EYS: variants seen among roughly 807,000 people sequenced by gnomAD.
The protein encoded by EYS is EGF-like photoreceptor maintenance factor.
A neutral mutation model predicts 282.1 loss-of-function variants in EYS; 250 were observed. The ratio of observed to expected loss-of-function variants is 0.89; its 90% CI spans 0.80 to 0.98. The LOEUF is 0.98. Ranked by LOEUF, EYS falls within the 50% of genes least tolerant of loss-of-function variation. EYS has a pLI of 0.00. For missense variants in EYS, 4,016 were observed against 3,709.0 expected, an observed-to-expected ratio of 1.08 and a Z score of -2.15; for synonymous variants, 1,355 against 1,282.9, an observed-to-expected ratio of 1.06 and a Z score of -1.20.
At chr6:65,129,517 C>A (rs1386473107) in intron 12 of EYS, among the ~76,000 whole-genome samples, 1 of 151,970 alleles carries the variant, frequency 6.6e-6, no homozygotes, top group Non-Finnish European at 1.5e-5. Context: ...TGAACAGACA[C>A]TTCTCAAAAC....
At chr6:65,306,861 A>AAAAAAAAC (rs1769024993) in intron 11 of EYS, among the ~76,000 whole-genome samples, 1 of 139,492 alleles carries the variant, frequency 7.2e-6, no homozygotes, top group Non-Finnish European at 1.6e-5. Flanking sequence ...AAAAAAAAAA[A>AAAAAAAAC]AGAAAGTCTA....
intron 18 of EYS, among the ~76,000 whole-genome samples, chr6:64,887,079 T>TA (rs1268697317): frequency 6.6e-6 from 1 of 151,870 alleles, no homozygotes; most frequent in East Asian, 1.9e-4. Context: ...ATAATTACTG[T>TA]AACCTGATAA....
intron 12 of EYS, among the ~76,000 whole-genome samples, chr6:65,228,890 T>G (rs1477159711): frequency 2.6e-5 from 4 of 152,014 alleles, no homozygotes; most frequent in Admixed American, 2.6e-4. Flanking sequence ...GACAACAGTG[T>G]AAAGGCGATT....
intron 12 of EYS, among the ~76,000 whole-genome samples, chr6:65,254,639 A>G (rs550682817): frequency 6.6e-6 from 1 of 151,908 alleles, no homozygotes; most frequent in Non-Finnish European, 1.5e-5. Flanking sequence ...GGAATTCAGT[A>G]TAGATTTTCA....
chr6:65,606,091 T>C (rs1036178090), intron 2 of EYS, among the ~76,000 whole-genome samples: 8 of 151,718 alleles, frequency 5.3e-5, no homozygotes, highest in African/African-American at 1.7e-4. Context: ...AGTCGCAAAT[T>C]TTTAAAAACA....
At chr6:64,156,484 C>T (rs1263192165) in intron 31 of EYS, among the ~76,000 whole-genome samples, 4 of 152,080 alleles carry the variant, frequency 2.6e-5, no homozygotes, top group African/African-American at 7.2e-5. Context: ...GAAAAGATAC[C>T]TGAAAATGTG....
intron 22 of EYS, among the ~76,000 whole-genome samples, chr6:64,656,346 C>T (rs1399169098): frequency 6.6e-6 from 1 of 152,030 alleles, no homozygotes; most frequent in Non-Finnish European, 1.5e-5. Flanking sequence ...TCTTGAATAA[C>T]AGGCTTAACT....
Position 65,348,601 on chromosome 6 carries a change from CCTT to C in EYS, c.1460-4427_1460-4425del, listed in dbSNP as rs200371717. 9.0e-3 allele frequency among the ~76,000 whole-genome samples: 1,369 copies of C among 151,736 alleles called. 9 individuals are homozygous for C. The highest frequency in any genetic ancestry group is 0.014 in the Non-Finnish European group (917 of 67,748). ...TTATTCCTGTAGAGTTGTTTGAGCT[CCTT>C]CTGTATTCTGGTTATTAATCCCTTG... is the stretch of plus-strand genomic sequence containing the variant. On this transcript the variant is annotated intron_variant, in intron 9 of 42. Coordinates refer to ENST00000503581, the MANE Select transcript of EYS (RefSeq NM_001142800.2).
At chr6:65,034,377 T>G (rs962230877) in intron 13 of EYS, among the ~76,000 whole-genome samples, 1 of 152,160 alleles carries the variant, frequency 6.6e-6, no homozygotes, top group African/African-American at 2.4e-5. Flanking sequence ...AGTGGTAGAA[T>G]GATATAGCAT....
intron 29 of EYS, among the ~76,000 whole-genome samples, chr6:64,376,314 A>G (rs1222456004): frequency 6.6e-6 from 1 of 152,172 alleles, no homozygotes; most frequent in Non-Finnish European, 1.5e-5. Context: ...TCTTCTAGGT[A>G]GAGACAAGAA....
At chr6:65,057,765 A>G in intron 12 of EYS, 38 bp from the exon 13 acceptor site, 2 of 1,313,846 alleles carry the variant, frequency 1.5e-6, no homozygotes, top group Non-Finnish European at 2.1e-6. Context: ...AAGTGTTAAC[A>G]AGACAGGCAT....
At chr6:64,058,638 CAG>C (rs778924954) in intron 33 of EYS, among the ~76,000 whole-genome samples, 11 of 152,092 alleles carry the variant, frequency 7.2e-5, no homozygotes, top group Non-Finnish European at 1.3e-4. Flanking sequence ...TGCTATATGC[CAG>C]AGTGTTCTCT....
intron 24 of EYS, among the ~76,000 whole-genome samples, chr6:64,598,317 C>T (rs574221369): frequency 1.3e-5 from 2 of 152,082 alleles, no homozygotes; most frequent in African/African-American, 4.8e-5. Flanking sequence ...AAAAATTAGC[C>T]GGCCTTGGTG....
At chr6:64,422,996 A>G (rs1244303036) in intron 28 of EYS, among the ~76,000 whole-genome samples, 1 of 152,048 alleles carries the variant, frequency 6.6e-6, no homozygotes, top group Non-Finnish European at 1.5e-5. Context: ...TTTTTCTTTT[A>G]GATAATTTTG....
chr6:64,510,402 AT>A (rs1387269534), intron 26 of EYS, among the ~76,000 whole-genome samples: 1 of 152,078 alleles, frequency 6.6e-6, no homozygotes, highest in Non-Finnish European at 1.5e-5. Context: ...CATGCTAAAA[AT>A]TTTGTTTCTT....
chr6:65,503,998 T>A (rs1203561139), intron 2 of EYS, among the ~76,000 whole-genome samples: 1 of 151,720 alleles, frequency 6.6e-6, no homozygotes, highest in Non-Finnish European at 1.5e-5. Flanking sequence ...AATAGCTTGA[T>A]GTAATTTTGA....
intron 39 of EYS, among the ~76,000 whole-genome samples, chr6:63,778,436 ATTTTC>A (rs927156908): frequency 3.3e-5 from 5 of 152,044 alleles, no homozygotes; most frequent in Admixed American, 6.6e-5. Context: ...GCTTAGTCAT[ATTTTC>A]TTTTAAACAA....
rs573923532 is a variant in EYS at position 64,633,702 on chromosome 6, G to A, written c.3444-7457C>T. Among the ~76,000 whole-genome samples the A allele has an allele frequency of 1.1e-3, 162 of 151,072 alleles. 3 individuals carry two copies. In the South Asian group the frequency reaches 0.032, roughly 30 times the overall value. On this transcript the variant is annotated intron_variant, in intron 22 of 42. Coordinates refer to ENST00000503581, the MANE Select transcript of EYS (RefSeq NM_001142800.2). ...TGGAAAGTTGGCTTCCTCCTACTCTGTTTGGATCTCTTGTGCAGGCAAGCT... is the reference window on the plus strand; with the variant it reads ...TGGAAAGTTGGCTTCCTCCTACTCTATTTGGATCTCTTGTGCAGGCAAGCT...
intron 1 of EYS, among the ~76,000 whole-genome samples, chr6:65,701,954 G>T (rs1769695157): frequency 6.6e-6 from 1 of 152,144 alleles, no homozygotes; most frequent in South Asian, 2.1e-4. Context: ...CACAAAGGTA[G>T]TATCGGACAT....
Sources: gnomAD v4.1 joint callset for allele counts (sites outside exome capture counted in the v4.1 genomes callset) on GRCh38, gnomAD v4.1.1 for gene constraint, MANE v1.5 for transcripts, NCBI Gene and HGNC (gene_info 2026-07-23, HGNC 2026-07-21) for gene names.